Variants in XRN1 observed in about 807,000 individuals in gnomAD.
XRN1 encodes the protein strand-exchange protein 1 homolog.
XRN1 carries 67 observed loss-of-function variants against 222.3 expected under a neutral mutation model. The ratio of observed to expected loss-of-function variants is 0.30; its 90% confidence interval spans 0.25 to 0.37. The LOEUF is 0.37. XRN1 is among the 10% of genes least tolerant of loss of function. The pLI is 1.00. For missense variants in XRN1, 1,707 were observed against 2,000.2 expected (o/e 0.85, Z 2.80); for synonymous variants, 643 against 652.4 (o/e 0.99, Z 0.22).
Position 142,311,763 on chromosome 3 carries a change from G to C in XRN1, c.4833C>G (p.Ala1611=). ...ANKKNFENKE[A]QSSQATPVQT... The stretch of plus-strand genomic sequence containing the variant: ...GAACTGGAGTGGCTTGAGAACTCTG[G>C]GCTTCCTTATTCTCAAAGTTCTTTT... Residue 1611 remains alanine (A), a synonymous_variant, in exon 41 of 41, where the codon GCC becomes GCG. Coordinates refer to ENST00000392981, the MANE Select transcript of XRN1 (RefSeq NM_001282857.2). 1 of 1,608,444 alleles carries C rather than the reference G, an allele frequency of 6.2e-7. No homozygotes were observed. Among genetic ancestry groups the C allele is most frequent in the South Asian group, 1.1e-5 (1 of 90,296 alleles).
intron 33 of XRN1, among the ~76,000 whole-genome samples, chr3:142,345,005 G>A (rs1237543745): frequency 6.6e-6 from 1 of 152,126 alleles, no homozygotes; most frequent in Admixed American, 6.5e-5. Flanking sequence ...TTACAACAAA[G>A]CTACAGTAAT....
At chr3:142,376,273 T>A (rs2067140389) in intron 24 of XRN1, 1 of 652,112 alleles carries the variant, frequency 1.5e-6, no homozygotes, top group Non-Finnish European at 2.6e-6. Flanking sequence ...TTCAATTTAT[T>A]AGCTGCTAAA....
In XRN1 at chr3:142,311,659, G is replaced by C. The variant is rs764602779; in HGVS notation, c.4937C>G (p.Pro1646Arg). Residue 1646 changes from proline (P) to arginine (R), a missense_variant, in exon 41 of 41, where the codon CCG (proline) becomes CGG (arginine). This residue lies in a region of XRN1 where 473 missense variants were observed against 482.0 expected (regional missense o/e 0.98). Transcript: ENST00000392981. ...ESSSASLKSS[P>R]IAQPASSFQV... is the part of the protein sequence containing the mutation. ...AAAAGAAGATGCAGGTTGAGCAATCGGAGAGGACTTCAAAGAAGCTGATGA... is the reference window on the plus strand; with the variant it reads ...AAAAGAAGATGCAGGTTGAGCAATCCGAGAGGACTTCAAAGAAGCTGATGA... 3 of 1,614,104 alleles carry C rather than the reference G, an allele frequency of 1.9e-6. No individual in the cohort carries two copies. Among genetic ancestry groups the C allele is most frequent in the East Asian group, 2.2e-5 (1 of 44,882 alleles).
intron 20 of XRN1, among the ~76,000 whole-genome samples, chr3:142,394,277 C>G (rs1049155919): frequency 3.9e-5 from 6 of 152,192 alleles, no homozygotes; most frequent in African/African-American, 1.2e-4. Context: ...GTGGCAAAAT[C>G]CAGTGCTGAG....
rs371169923 is a variant in XRN1, at chr3:142,361,299, A to G, written c.3395-1368T>C. On this transcript the variant is annotated intron_variant, in intron 29 of 40. Transcript: ENST00000392981. The stretch of plus-strand genomic sequence containing the variant: ...TCCATTCATCTGCTGATGGGGATTT[A>G]GATTATTTCTAGTTTTTGGTTATTA... Among the ~76,000 whole-genome samples, 9 of 152,284 alleles carry G rather than the reference A, an allele frequency of 5.9e-5. No individual in the cohort carries two copies. In the East Asian group the frequency reaches 1.2e-3, roughly 20 times the overall value.
Position 142,311,081 on chromosome 3 carries a change from G to C in XRN1, c.*430C>G, listed in dbSNP as rs1009186918. The C allele has an allele frequency of 6.5e-6, 1 of 153,126 alleles. No individual in the cohort carries two copies. Among genetic ancestry groups the C allele is most frequent in the Non-Finnish European group, 1.5e-5 (1 of 68,502 alleles). The allele number at this position is 153,126 out of a possible 1,614,324, so 9.5% of individuals were successfully genotyped here. A position where few individuals can be genotyped will look rare whatever the true frequency, so the allele number is the denominator to read the frequency against. On this transcript the variant is annotated 3_prime_UTR_variant, in exon 41 of 41. Coordinates refer to ENST00000392981, the MANE Select transcript of XRN1 (RefSeq NM_001282857.2). ...TCCACATTCAGTAAGTTATACTGGAGGCCCAAATTTCATGCTCCATGTAAT... is the reference window on the plus strand; with the variant it reads ...TCCACATTCAGTAAGTTATACTGGACGCCCAAATTTCATGCTCCATGTAAT...
At chr3:142,332,189 G>A (rs2065717896) in intron 36 of XRN1, among the ~76,000 whole-genome samples, 186 bp downstream of exon 36, 1 of 152,154 alleles carries the variant, frequency 6.6e-6, no homozygotes, top group African/African-American at 2.4e-5. Flanking sequence ...GGAGGCTGAA[G>A]TGAGAGGATT....
intron 16 of XRN1, 113 bp downstream of exon 16, chr3:142,404,792 CAT>C (rs2108034217): frequency 5.1e-6 from 5 of 972,918 alleles, no homozygotes; most frequent in Non-Finnish European, 7.8e-6. Context: ...CTATAACTGT[CAT>C]AAACTATTTG....
intron 1 of XRN1, among the ~76,000 whole-genome samples, chr3:142,443,655 AAAAC>A (rs966685888): frequency 7.9e-5 from 12 of 152,216 alleles, no homozygotes; most frequent in East Asian, 1.9e-4. Flanking sequence ...TGCAACTGCA[AAAAC>A]AAACAAACAA....
intron 15 of XRN1, chr3:142,407,671 CT>C (rs1386992441): frequency 2.0e-5 from 3 of 152,012 alleles, no homozygotes; most frequent in African/African-American, 7.2e-5. Flanking sequence ...GCATGGAATG[CT>C]TCATGAATTT....
At chr3:142,404,861 G>T (rs771709750) in intron 16 of XRN1, 46 bp downstream of exon 16, 4 of 1,596,890 alleles carry the variant, frequency 2.5e-6, no homozygotes, top group Non-Finnish European at 3.4e-6. Flanking sequence ...GCACCCTTGT[G>T]TTAGGAGCGC....
intron 20 of XRN1, among the ~76,000 whole-genome samples, chr3:142,389,527 A>G (rs533277321): frequency 6.6e-6 from 1 of 152,274 alleles, no homozygotes; most frequent in Admixed American, 6.5e-5. Context: ...GCTCAGATCC[A>G]TCAGAGCAGT....
chr3:142,338,916 C>T (rs962849776), intron 33 of XRN1, among the ~76,000 whole-genome samples: 6 of 152,126 alleles, frequency 3.9e-5, no homozygotes, highest in African/African-American at 1.2e-4. Flanking sequence ...GGTTTCAGGG[C>T]CAGCTTAGCT....
Position 142,309,583 on chromosome 3 carries a change from C to G in XRN1, c.*1928G>C, listed in dbSNP as rs143618576. The G allele has an allele frequency of 1.9e-4, 29 of 152,330 alleles. No homozygotes were observed. Among genetic ancestry groups the G allele is most frequent in the African/African-American group, 7.0e-4 (29 of 41,576 alleles). 9.4% of individuals were successfully genotyped at this position (152,330 alleles called of 1,614,324 possible). ...CAGCTTGCTGTGCTCAAATATTGGT[C>G]AAGTATCCTTATGGGTTTAGTGCAC... On this transcript the variant is annotated 3_prime_UTR_variant, in exon 41 of 41. Coordinates refer to ENST00000392981, the MANE Select transcript of XRN1 (RefSeq NM_001282857.2).
At chr3:142,437,203 T>C (rs936256961) in intron 1 of XRN1, among the ~76,000 whole-genome samples, 1 of 152,208 alleles carries the variant, frequency 6.6e-6, no homozygotes, top group Admixed American at 6.5e-5. Context: ...AATTTCAAGG[T>C]TATTTTATAC....
At chr3:142,388,998 T>C (rs1164278947) in intron 20 of XRN1, among the ~76,000 whole-genome samples, 1 of 152,190 alleles carries the variant, frequency 6.6e-6, no homozygotes, top group East Asian at 1.9e-4. Context: ...GGTGGACACT[T>C]GAGAGCACGA....
chr3:142,413,810 A>T (rs1301906500), intron 14 of XRN1, among the ~76,000 whole-genome samples: 1 of 152,206 alleles, frequency 6.6e-6, no homozygotes, highest in Non-Finnish European at 1.5e-5. Context: ...GAATCTATAA[A>T]TGTTTAGATA....
chr3:142,415,896 T>C (rs1487503605), intron 13 of XRN1, among the ~76,000 whole-genome samples: 1 of 152,144 alleles, frequency 6.6e-6, no homozygotes, highest in East Asian at 1.9e-4. Context: ...GTGGATGGTT[T>C]GAAAATGCAG....
At chr3:142,426,681 T>C in intron 3 of XRN1, 63 bp downstream of exon 3, 1 of 1,505,040 alleles carries the variant, frequency 6.6e-7, no homozygotes, top group Non-Finnish European at 9.1e-7. Context: ...TAAAATACAT[T>C]TAAAAACCAA....
Sources: allele counts gnomAD v4.1 joint callset (sites outside exome capture counted in the v4.1 genomes callset), GRCh38; gene constraint gnomAD v4.1.1; regional missense constraint gnomAD v4.1.1; transcripts MANE v1.5; gene names NCBI Gene and HGNC (gene_info 2026-07-23, HGNC 2026-07-21).